The following TRMT11 variants were observed in gnomAD, a reference collection of about 807,000 sequenced individuals.
TRMT11 encodes the protein tRNA (guanine(10)-N(2))-methyltransferase TRMT11.
Under a neutral mutation model 62.8 loss-of-function variants are expected in TRMT11, and 53 were observed. The observed-to-expected ratio is 0.84, with a 90% CI of 0.68 to 1.06. The LOEUF (loss-of-function observed/expected upper bound fraction) is 1.06. TRMT11 is among the 50% of genes least tolerant of loss of function. The pLI is 0.00. For synonymous variants in TRMT11, 188 were observed against 190.3 expected, an observed-to-expected ratio of 0.99 and a Z score of 0.10; for missense variants, 556 against 553.4, an observed-to-expected ratio of 1.00 and a Z score of -0.05.
chr6:126,225,685 A>ATTT, the TRMT11 span, among the ~76,000 whole-genome samples: 877 of 95,186 alleles, frequency 9.2e-3, 49 homozygotes, highest in African/African-American at 0.026. Context: ...TATGTTTACT[A>ATTT]TTTTTTTTTT....
At chr6:126,078,156 TA>T (rs1218498612) in intron 17 of TRMT11, among the ~76,000 whole-genome samples, 2 of 152,114 alleles carry the variant, frequency 1.3e-5, no homozygotes, top group Non-Finnish European at 2.9e-5. Context: ...CTCTGAAAGC[TA>T]AGAGTCACTT....
intron 21 of TRMT11, among the ~76,000 whole-genome samples, chr6:126,142,168 C>T (rs763144054): frequency 6.6e-5 from 10 of 151,970 alleles, no homozygotes; most frequent in Non-Finnish European, 1.5e-4. Flanking sequence ...AACTCTTCAT[C>T]CCTGGAGAAG....
At chr6:126,033,483 A>G (rs772798062) in intron 12 of TRMT11, among the ~76,000 whole-genome samples, 4 of 152,166 alleles carry the variant, frequency 2.6e-5, no homozygotes, top group East Asian at 1.9e-4. Context: ...TCACGTTTAT[A>G]TACCTTTCTT....
At chr6:126,185,011 T>G (rs973400205) in intron 1 of TRMT11, among the ~76,000 whole-genome samples, 12 of 152,138 alleles carry the variant, frequency 7.9e-5, no homozygotes, top group African/African-American at 2.9e-4. Flanking sequence ...CTGTGGGTCT[T>G]TGAGATCATG....
intron 16 of TRMT11, among the ~76,000 whole-genome samples, chr6:126,047,602 G>T (rs1776095581): frequency 6.6e-6 from 1 of 152,218 alleles, no homozygotes; most frequent in Admixed American, 6.5e-5. Context: ...GGTGTAAAAG[G>T]CTGTCACCCT....
intron 21 of TRMT11, among the ~76,000 whole-genome samples, chr6:126,148,041 T>C (rs1301576488): frequency 6.6e-6 from 1 of 152,076 alleles, no homozygotes; most frequent in Non-Finnish European, 1.5e-5. Context: ...GAACTTAAAG[T>C]ATAATAATTA....
chr6:126,033,339 T>C (rs1207922064), intron 12 of TRMT11, among the ~76,000 whole-genome samples: 2 of 152,156 alleles, frequency 1.3e-5, no homozygotes, highest in Non-Finnish European at 2.9e-5. Context: ...GCTTGATTTA[T>C]TTTCTTGAGA....
chr6:126,183,799 A>T (rs1056428685), intron 1 of TRMT11, among the ~76,000 whole-genome samples: 3 of 132,754 alleles, frequency 2.3e-5, no homozygotes, highest in East Asian at 5.1e-4. Context: ...AGAGTGCTTC[A>T]TCTTTTTAAG....
chr6:126,050,668 C>T (rs1776190001), intron 16 of TRMT11, among the ~76,000 whole-genome samples: 2 of 150,838 alleles, frequency 1.3e-5, no homozygotes, highest in South Asian at 4.2e-4. Flanking sequence ...CACTGCACTC[C>T]AGTGTGGGTG....
At chr6:126,039,283 C>T (rs1188295137), downstream of TRMT11, 2 of 152,408 alleles carry the variant, frequency 1.3e-5, no homozygotes, top group Non-Finnish European at 2.9e-5. Context: ...AAAATTGTGT[C>T]ATATCTAGTT....
the TRMT11 span, among the ~76,000 whole-genome samples, chr6:126,227,236 G>GA: frequency 6.6e-6 from 1 of 152,216 alleles, no homozygotes; most frequent in Non-Finnish European, 1.5e-5. Flanking sequence ...GGCTTATACA[G>GA]ACTTCAGTGT....
chr6:126,203,275 C>A (rs1778756947), downstream of TRMT11, among the ~76,000 whole-genome samples: 1 of 152,216 alleles, frequency 6.6e-6, no homozygotes, highest in Non-Finnish European at 1.5e-5. Context: ...GTGAGCCCTG[C>A]AAATTACTCA....
At chr6:126,034,710 C>T (rs952567057) in intron 12 of TRMT11, among the ~76,000 whole-genome samples, 4 of 151,856 alleles carry the variant, frequency 2.6e-5, no homozygotes, top group African/African-American at 9.7e-5. Context: ...TTTTATGATA[C>T]GTAGGTGATA....
At position 126,111,747 on chromosome 6, in the gene TRMT11, G is replaced by T. The variant is rs1029285101; in HGVS notation, c.*1438-1119G>T. On this transcript the variant is annotated intron_variant and NMD_transcript_variant, in intron 17 of 22. Transcript: ENST00000648977. The stretch of plus-strand genomic sequence containing the variant: ...CCAGTAGAGCCACTGACTCTATGGG[G>T]AAATTTCAAATGGAGTTTTGGGGTC... 2.6e-5 allele frequency among the ~76,000 whole-genome samples: 4 copies of T among 152,094 alleles called. No individual in the cohort carries two copies. The East Asian group carries it at 7.7e-4, about 29-fold the overall frequency.
At chr6:126,245,812 T>C in the TRMT11 span, among the ~76,000 whole-genome samples, 1 of 152,126 alleles carries the variant, frequency 6.6e-6, no homozygotes, top group African/African-American at 2.4e-5. Context: ...AAAAAACCGT[T>C]ATAGGCTGGG....
chr6:126,054,525 T>C (rs1423188509), intron 17 of TRMT11, among the ~76,000 whole-genome samples: 1 of 152,174 alleles, frequency 6.6e-6, no homozygotes, highest in Non-Finnish European at 1.5e-5. Context: ...GAGATGATTT[T>C]TATTGATTTC....
intron 16 of TRMT11, among the ~76,000 whole-genome samples, chr6:126,045,968 C>T (rs1173003653): frequency 6.6e-6 from 1 of 151,906 alleles, no homozygotes; most frequent in African/African-American, 2.4e-5. Context: ...GGGATATATC[C>T]CTGAGACAAA....
chr6:126,153,390 A>G (rs1400804495), intron 21 of TRMT11, among the ~76,000 whole-genome samples: 1 of 152,218 alleles, frequency 6.6e-6, no homozygotes, highest in East Asian at 1.9e-4. Context: ...ATTGAAGTAA[A>G]CTGAAAACAA....
intron 17 of TRMT11, among the ~76,000 whole-genome samples, chr6:126,077,806 G>T (rs930226092): frequency 6.6e-6 from 1 of 152,160 alleles, no homozygotes; most frequent in Admixed American, 6.6e-5. Context: ...ATTGTTACTA[G>T]TAAAAATCAG....
Sources: allele counts gnomAD v4.1 joint callset (sites outside exome capture counted in the v4.1 genomes callset), GRCh38; gene constraint gnomAD v4.1.1; transcripts MANE v1.5; gene names NCBI Gene and HGNC (gene_info 2026-07-23, HGNC 2026-07-21).